The following RALGPS1 variants were observed in gnomAD, a reference collection of about 807,000 sequenced individuals.
RALGPS1 encodes ras-specific guanine nucleotide-releasing factor RalGPS1.
RALGPS1 carries 19 observed loss-of-function variants against 78.8 expected under a neutral mutation model. That is an observed-to-expected ratio of 0.24 (90% CI 0.17 to 0.35). The LOEUF is 0.35. Ranked by LOEUF, RALGPS1 falls within the 10% of genes least tolerant of loss-of-function variation. The pLI is 1.00. For missense variants in RALGPS1, 454 were observed against 688.3 expected (o/e 0.66, Z 3.81); for synonymous variants, 228 against 256.3 (o/e 0.89, Z 1.06).
At chr9:126,921,248 C>G (rs905566462) in intron 1 of RALGPS1, among the ~76,000 whole-genome samples, 1 of 152,158 alleles carries the variant, frequency 6.6e-6, no homozygotes, top group Non-Finnish European at 1.5e-5. Context: ...CTGAAGTCAC[C>G]AAGCGCTCAA....
chr9:127,050,532 C>T (rs2048214280), intron 6 of RALGPS1, among the ~76,000 whole-genome samples: 2 of 152,188 alleles, frequency 1.3e-5, no homozygotes, highest in South Asian at 4.1e-4. Context: ...CTTGTGATAT[C>T]ATTACATCCT....
intron 3 of RALGPS1, among the ~76,000 whole-genome samples, chr9:126,970,675 A>G (rs1382683948): frequency 2.0e-5 from 3 of 152,168 alleles, no homozygotes; most frequent in Non-Finnish European, 4.4e-5. Context: ...AATAGTGGCT[A>G]TGGTGTTGAA....
At chr9:127,022,226 T>C (rs967228505) in intron 4 of RALGPS1, among the ~76,000 whole-genome samples, 2 of 152,118 alleles carry the variant, frequency 1.3e-5, no homozygotes, top group African/African-American at 2.4e-5. Flanking sequence ...GGCCCTCATG[T>C]TCATTTCTTC....
At chr9:127,032,917 TAAAG>T (rs752645091) in intron 4 of RALGPS1, among the ~76,000 whole-genome samples, 10 of 152,156 alleles carry the variant, frequency 6.6e-5, no homozygotes, top group Non-Finnish European at 4.4e-5. Flanking sequence ...TTCTACAACT[TAAAG>T]AGACTCATCT....
At chr9:127,126,538 A>C (rs1755220302) in intron 8 of RALGPS1, among the ~76,000 whole-genome samples, 1 of 152,062 alleles carries the variant, frequency 6.6e-6, no homozygotes, top group Admixed American at 6.5e-5. Context: ...CTGAAGCTTT[A>C]TTTGTTTATC....
chr9:126,997,187 T>C (rs7026371), intron 4 of RALGPS1, among the ~76,000 whole-genome samples: 1 of 152,194 alleles, frequency 6.6e-6, no homozygotes, highest in African/African-American at 2.4e-5. Context: ...AGCCAGGGCA[T>C]TGAGGCAGGA....
At chr9:126,961,456 G>A (rs2038894654) in intron 1 of RALGPS1, among the ~76,000 whole-genome samples, 1 of 152,178 alleles carries the variant, frequency 6.6e-6, no homozygotes, top group Admixed American at 6.5e-5. Context: ...GAAGTGTGGT[G>A]CCAGGGGAAC....
At position 126,941,346 on chromosome 9, in the gene RALGPS1, T is replaced by C. The variant is rs1464037173; in HGVS notation, c.-65-20879T>C. On this transcript the variant is annotated intron_variant, in intron 1 of 18. Coordinates refer to ENST00000259351, the MANE Select transcript of RALGPS1 (RefSeq NM_014636.3). ...TGTTTGTAACACAAAGGATAAGTGC[T>C]TGAGGTGACAGATATTCCATTTACC... is the stretch of plus-strand genomic sequence containing the variant. 2.0e-5 allele frequency among the ~76,000 whole-genome samples: 3 copies of C among 152,188 alleles called. No individual in the cohort carries two copies. The East Asian group carries it at 5.8e-4, about 29-fold the overall frequency.
Position 127,053,823 on chromosome 9 carries a change from C to T in RALGPS1, c.483+884C>T, listed in dbSNP as rs1054529430. On this transcript the variant is annotated intron_variant, in intron 7 of 18. Transcript: ENST00000259351. ...AAATGAGCCTTGTTTCTTTAAATTG[C>T]TGTTTCCATAGATCTAGTCCTCGCA... Among the ~76,000 whole-genome samples, 68 of 152,192 alleles carry T rather than the reference C, an allele frequency of 4.5e-4. 1 individual carries two copies. The highest frequency in any genetic ancestry group is 1.6e-3 in the African/African-American group (67 of 41,434).
At chr9:126,924,265 C>T (rs538702850) in intron 1 of RALGPS1, among the ~76,000 whole-genome samples, 1 of 152,240 alleles carries the variant, frequency 6.6e-6, no homozygotes, top group African/African-American at 2.4e-5. Context: ...TTTGTTGAAT[C>T]TGCAGTGTGA....
At chr9:127,095,777 T>C (rs2053059644) in intron 8 of RALGPS1, among the ~76,000 whole-genome samples, 1 of 152,228 alleles carries the variant, frequency 6.6e-6, no homozygotes, top group African/African-American at 2.4e-5. Flanking sequence ...TCACACGTAA[T>C]AGTTATAAAC....
rs542381019 is a variant in RALGPS1 at position 127,077,552 on chromosome 9, C to G, written c.610+8196C>G. Among the ~76,000 whole-genome samples the G allele has an allele frequency of 1.8e-4, 28 of 152,328 alleles. No homozygotes were observed. In the South Asian group the frequency reaches 4.3e-3, roughly 24 times the overall value. On this transcript the variant is annotated intron_variant, in intron 8 of 18. Coordinates refer to ENST00000259351, the MANE Select transcript of RALGPS1 (RefSeq NM_014636.3). Reference sequence around the variant, plus strand: ...GGATATGAGTGGTGGCCGTTGCCCCCTTGATGGGGGCCACCACCCTAGGAC... The same window carrying G: ...GGATATGAGTGGTGGCCGTTGCCCCGTTGATGGGGGCCACCACCCTAGGAC...
Sources: gnomAD v4.1 joint callset for allele counts (sites outside exome capture counted in the v4.1 genomes callset) on GRCh38, gnomAD v4.1.1 for gene constraint, MANE v1.5 for transcripts, NCBI Gene and HGNC (gene_info 2026-07-23, HGNC 2026-07-21) for gene names.